Variants in IQCJ observed in about 807,000 individuals in gnomAD.
The protein encoded by IQCJ is IQ motif containing J.
A neutral mutation model predicts 11.0 loss-of-function variants in IQCJ; 9 were observed. The ratio of observed to expected loss-of-function variants is 0.82; its 90% confidence interval spans 0.49 to 1.43. IQCJ has a LOEUF of 1.43. Ranked by LOEUF, IQCJ falls within the 40% of genes most tolerant of loss-of-function variation. IQCJ has a pLI of 0.00. For synonymous variants in IQCJ, 55 were observed against 51.3 expected (o/e 1.07, Z -0.31); for missense variants, 146 against 133.2 (o/e 1.10, Z -0.47).
rs1577008940 is a variant in IQCJ, at chr3:159,102,994, TG to T, written c.9+33554del. Among the ~76,000 whole-genome samples the T allele has an allele frequency of 2.0e-5, 3 of 152,342 alleles. No homozygotes were observed. In the East Asian group the frequency reaches 5.8e-4, roughly 29 times the overall value. ...CCACAGGCCTTCCTCTACACATTTTTGCTTCAAATCAAAGTGCATTTTCAAG... is the reference window on the plus strand; with the variant it reads ...CCACAGGCCTTCCTCTACACATTTTTCTTCAAATCAAAGTGCATTTTCAAG... On this transcript the variant is annotated intron_variant, in intron 1 of 3. Transcript: ENST00000397832.
At chr3:159,161,536 T>G (rs10936169) in intron 1 of IQCJ, among the ~76,000 whole-genome samples, 33,608 of 152,042 alleles carry the variant, frequency 0.22, 4,489 homozygotes, top group South Asian at 0.39. Context: ...TTAGTTTAAT[T>G]CGATCCCATT....
rs1279900557 is a variant in IQCJ at position 159,262,638 on chromosome 3, G to A, written c.246G>A (p.Leu82=). Residue 82 remains leucine, a synonymous_variant, in exon 4 of 4, where the codon CTG becomes CTA. Coordinates refer to ENST00000397832, the MANE Select transcript of IQCJ (RefSeq NM_001042706.3). ...PSPPSVSSEK[L]SSSVSMNTFS... is the part of the protein sequence containing the mutation. The stretch of plus-strand genomic sequence containing the variant: ...CACCCTCTGTCTCCTCAGAGAAGCT[G>A]AGCAGCTCTGTCAGCATGAACACCT... The A allele has an allele frequency of 6.2e-7, 1 of 1,614,026 alleles. No individual in the cohort carries two copies. Among genetic ancestry groups the A allele is most frequent in the Non-Finnish European group, 8.5e-7 (1 of 1,179,886 alleles).
intron 1 of IQCJ, among the ~76,000 whole-genome samples, chr3:159,123,268 C>T (rs1383459709): frequency 6.6e-6 from 1 of 152,090 alleles, no homozygotes; most frequent in East Asian, 1.9e-4. Flanking sequence ...TCAGTTCTGC[C>T]CTGAGATCTG....
At chr3:159,142,883 G>A (rs1010884183) in intron 1 of IQCJ, among the ~76,000 whole-genome samples, 1 of 152,152 alleles carries the variant, frequency 6.6e-6, no homozygotes, top group South Asian at 2.1e-4. Flanking sequence ...CAGCCTGAGA[G>A]GGTGCTATAA....
intron 1 of IQCJ, among the ~76,000 whole-genome samples, chr3:159,243,664 A>G (rs1727069551): frequency 6.6e-6 from 1 of 152,222 alleles, no homozygotes; most frequent in East Asian, 1.9e-4. Context: ...AATGTTCTAT[A>G]TATTGTTTCG....
intron 1 of IQCJ, among the ~76,000 whole-genome samples, chr3:159,116,645 TATATATATATATATATATATATATAC>T (rs1441679475): frequency 0.028 from 1,074 of 38,456 alleles, 43 homozygotes; most frequent in African/African-American, 0.092. Flanking sequence ...TATATATATA[TATATATATATATATATATATATATAC>T]ACCCTTCATC....
chr3:159,133,318 C>T (rs1252374782), intron 1 of IQCJ, among the ~76,000 whole-genome samples: 5 of 152,178 alleles, frequency 3.3e-5, no homozygotes, highest in African/African-American at 1.2e-4. Context: ...GTGTCAGCTT[C>T]ATTCCTTGTT....
rs114341700 is a variant in IQCJ, at chr3:159,081,385, T to G, written c.9+11944T>G. 4.6e-5 allele frequency among the ~76,000 whole-genome samples: 7 copies of G among 152,004 alleles called. No individual in the cohort carries two copies. In the East Asian group the frequency reaches 1.2e-3, roughly 25 times the overall value. ...GACTTAGGCCAAGATTCACCTGAGG[T>G]TGGGGAGGGTGAATGCTGATATCAG... is the stretch of plus-strand genomic sequence containing the variant. On this transcript the variant is annotated intron_variant, in intron 1 of 3. Coordinates refer to ENST00000397832, the MANE Select transcript of IQCJ (RefSeq NM_001042706.3).
At chr3:159,191,028 A>C (rs1303988467) in intron 1 of IQCJ, among the ~76,000 whole-genome samples, 1 of 152,212 alleles carries the variant, frequency 6.6e-6, no homozygotes, top group Non-Finnish European at 1.5e-5. Context: ...CTTGAATTCA[A>C]TGACTTTACT....
At chr3:159,138,570 T>A (rs1211405907) in intron 1 of IQCJ, among the ~76,000 whole-genome samples, 1 of 152,264 alleles carries the variant, frequency 6.6e-6, no homozygotes, top group Non-Finnish European at 1.5e-5. Flanking sequence ...ATACCTGTAT[T>A]ACGCTAAACA....
At chr3:159,158,454 G>T (rs780604512) in intron 1 of IQCJ, among the ~76,000 whole-genome samples, 6 of 152,162 alleles carry the variant, frequency 3.9e-5, no homozygotes, top group Non-Finnish European at 8.8e-5. Flanking sequence ...CCTGGTGGTT[G>T]ATTGAAAGGG....
intron 3 of IQCJ, among the ~76,000 whole-genome samples, chr3:159,256,670 A>C (rs1253796604): frequency 6.6e-6 from 1 of 152,242 alleles, no homozygotes; most frequent in African/African-American, 2.4e-5. Context: ...GTCAGCTTTC[A>C]ATGAGAAAAT....
chr3:159,176,179 TA>T (rs1722783044), intron 1 of IQCJ, among the ~76,000 whole-genome samples: 2 of 151,046 alleles, frequency 1.3e-5, no homozygotes, highest in South Asian at 4.1e-4. Context: ...ATATTATGCA[TA>T]AAAGTCTTTA....
At chr3:159,152,549 T>C (rs1213157152) in intron 1 of IQCJ, among the ~76,000 whole-genome samples, 1 of 152,224 alleles carries the variant, frequency 6.6e-6, no homozygotes, top group African/African-American at 2.4e-5. Flanking sequence ...TGTGTGATTT[T>C]TGCCTCTCTG....
At chr3:159,113,539 T>A (rs1438408337) in intron 1 of IQCJ, among the ~76,000 whole-genome samples, 1 of 152,240 alleles carries the variant, frequency 6.6e-6, no homozygotes, top group Non-Finnish European at 1.5e-5. Flanking sequence ...CTTTTTATTG[T>A]CCTTTGAGTT....
intron 1 of IQCJ, among the ~76,000 whole-genome samples, chr3:159,091,670 GCATGCACACACACACA>G (rs1163322482): frequency 0.023 from 1,470 of 62,560 alleles, 47 homozygotes; most frequent in South Asian, 0.07. Context: ...ACACACACAC[GCATGCACACACACACA>G]CACACACACA....
chr3:159,145,574 CTT>C (rs34505741), intron 1 of IQCJ, among the ~76,000 whole-genome samples: 37,529 of 146,624 alleles, frequency 0.26, 5,671 homozygotes, highest in South Asian at 0.4. Context: ...CTTTAGTATG[CTT>C]TTTTTTTTTT....
intron 1 of IQCJ, among the ~76,000 whole-genome samples, chr3:159,156,376 C>T (rs1721522055): frequency 6.6e-6 from 1 of 152,094 alleles, no homozygotes. Context: ...GTTTAGAAGG[C>T]CATGTATGAC....
chr3:159,153,608 C>T (rs1721351413), intron 1 of IQCJ, among the ~76,000 whole-genome samples: 1 of 152,070 alleles, frequency 6.6e-6, no homozygotes, highest in South Asian at 2.1e-4. Flanking sequence ...CTGAATATTC[C>T]ATCAACTAAT....
Sources: allele counts gnomAD v4.1 joint callset (sites outside exome capture counted in the v4.1 genomes callset), GRCh38; gene constraint gnomAD v4.1.1; transcripts MANE v1.5; gene names NCBI Gene and HGNC (gene_info 2026-07-23, HGNC 2026-07-21).